The following NFIA variants were observed in gnomAD, a reference collection of about 807,000 sequenced individuals.
NFIA encodes nuclear factor I A.
NFIA carries 8 observed loss-of-function variants against 62.8 expected under a neutral mutation model. That is an observed-to-expected ratio of 0.13 (90% CI 0.07 to 0.23). The LOEUF is 0.23. Ranked by LOEUF, NFIA falls within the 10% of genes least tolerant of loss-of-function variation. The pLI, the probability that NFIA is intolerant of heterozygous loss-of-function variation, is 1.00. For missense variants in NFIA, 410 were observed against 642.1 expected (o/e 0.64, Z 3.91); for synonymous variants, 235 against 238.1 (o/e 0.99, Z 0.12).
At chr1:61,449,970 A>G (rs994372941) in intron 10 of NFIA, among the ~76,000 whole-genome samples, 6 of 152,198 alleles carry the variant, frequency 3.9e-5, no homozygotes, top group Admixed American at 2.0e-4. Context: ...GCTTGCTTGA[A>G]GTCACACTGC....
At chr1:61,387,468 CTTTTTTTTTT>C (rs33965994) in intron 7 of NFIA, among the ~76,000 whole-genome samples, 20 of 95,484 alleles carry the variant, frequency 2.1e-4, no homozygotes, top group African/African-American at 7.0e-4. Context: ...CAAGCACTTT[CTTTTTTTTTT>C]TTTTTTTTTT....
intron 3 of NFIA, among the ~76,000 whole-genome samples, chr1:61,285,671 G>T (rs893356207): frequency 6.6e-6 from 1 of 152,146 alleles, no homozygotes; most frequent in Non-Finnish European, 1.5e-5. Context: ...AATAGGGGTG[G>T]AGGGTAGGGG....
intron 3 of NFIA, among the ~76,000 whole-genome samples, chr1:61,319,531 T>C (rs1660552501): frequency 6.6e-6 from 1 of 152,108 alleles, no homozygotes; most frequent in African/African-American, 2.4e-5. Context: ...TGTGTCTGTG[T>C]GTGTCTGTCT....
chr1:61,130,591 G>GA (rs1211200711), intron 2 of NFIA, among the ~76,000 whole-genome samples: 5 of 152,146 alleles, frequency 3.3e-5, no homozygotes, highest in Non-Finnish European at 7.3e-5. Flanking sequence ...AATCATTGTA[G>GA]AAGTGGGTCT....
At chr1:61,435,154 G>C (rs899616010) in intron 10 of NFIA, among the ~76,000 whole-genome samples, 1 of 152,194 alleles carries the variant, frequency 6.6e-6, no homozygotes, top group Admixed American at 6.5e-5. Context: ...GTACTCACCA[G>C]GTTTCTCTGG....
At chr1:61,137,011 TAA>T (rs1254367090) in intron 2 of NFIA, among the ~76,000 whole-genome samples, 2 of 152,164 alleles carry the variant, frequency 1.3e-5, no homozygotes, top group Admixed American at 1.3e-4. Flanking sequence ...TCCACTGAGT[TAA>T]GAGTGGTTTC....
intron 2 of NFIA, among the ~76,000 whole-genome samples, chr1:61,118,447 T>A (rs1557578051): frequency 6.6e-6 from 1 of 152,124 alleles, no homozygotes; most frequent in Non-Finnish European, 1.5e-5. Flanking sequence ...ACAGCCCTGG[T>A]CTCATGGAGT....
At chr1:61,114,749 T>C (rs1252151823) in intron 2 of NFIA, among the ~76,000 whole-genome samples, 2 of 152,130 alleles carry the variant, frequency 1.3e-5, no homozygotes, top group African/African-American at 2.4e-5. Context: ...CATGGTGACT[T>C]TTTTCACTCT....
chr1:61,286,452 G>T (rs1658508306), intron 3 of NFIA, among the ~76,000 whole-genome samples: 1 of 147,696 alleles, frequency 6.8e-6, no homozygotes, highest in African/African-American at 2.5e-5. Context: ...AAATAGAATT[G>T]CTGGATATAT....
intron 4 of NFIA, among the ~76,000 whole-genome samples, chr1:61,341,123 G>A (rs945419402): frequency 2.0e-5 from 3 of 147,474 alleles, no homozygotes; most frequent in Admixed American, 6.8e-5. Flanking sequence ...GAGTGCAGTG[G>A]CGTGATCTCG....
chr1:61,429,921 G>A (rs1166488792), intron 10 of NFIA, among the ~76,000 whole-genome samples: 4 of 152,180 alleles, frequency 2.6e-5, no homozygotes, highest in African/African-American at 9.7e-5. Flanking sequence ...TAGGGGCAGG[G>A]CAGAATGGTG....
chr1:61,372,907 T>C (rs946415419), intron 6 of NFIA, among the ~76,000 whole-genome samples: 12 of 152,200 alleles, frequency 7.9e-5, no homozygotes, highest in African/African-American at 2.9e-4. Context: ...GCTAGAAGTT[T>C]TCTGCATTAA....
At chr1:61,331,695 TG>T (rs1413292708) in intron 3 of NFIA, among the ~76,000 whole-genome samples, 4 of 152,044 alleles carry the variant, frequency 2.6e-5, no homozygotes, top group Non-Finnish European at 5.9e-5. Context: ...AGAGGTAGAG[TG>T]GGAAACTACA....
chr1:61,319,984 T>C (rs186210317), intron 3 of NFIA, among the ~76,000 whole-genome samples: 61 of 152,248 alleles, frequency 4.0e-4, no homozygotes, highest in African/African-American at 1.3e-3. Context: ...GCTGTTGTCA[T>C]TGAAATCTCA....
chr1:61,144,665 TA>T (rs1193572283), intron 2 of NFIA, among the ~76,000 whole-genome samples: 1 of 152,220 alleles, frequency 6.6e-6, no homozygotes, highest in East Asian at 1.9e-4. Flanking sequence ...AATAGGACCA[TA>T]CCTCCATTTG....
At chr1:61,214,576 A>G (rs1231464010) in intron 2 of NFIA, among the ~76,000 whole-genome samples, 2 of 152,178 alleles carry the variant, frequency 1.3e-5, no homozygotes, top group Non-Finnish European at 2.9e-5. Flanking sequence ...ACCACTTTCC[A>G]TTTTATAGAT....
At chr1:61,245,099 G>A (rs1655561097) in intron 2 of NFIA, among the ~76,000 whole-genome samples, 1 of 152,116 alleles carries the variant, frequency 6.6e-6, no homozygotes, top group Non-Finnish European at 1.5e-5. Flanking sequence ...CAAAATATAA[G>A]CAGAAATGGC....
chr1:61,142,561 A>G (rs139554643), intron 2 of NFIA, among the ~76,000 whole-genome samples: 2 of 152,208 alleles, frequency 1.3e-5, no homozygotes, highest in African/African-American at 4.8e-5. Context: ...CAAGAGTCCA[A>G]ATGGGTACCT....
In NFIA at chr1:61,155,679, C is replaced by CAA. The variant is rs35851988; in HGVS notation, c.559+67016_559+67017dup. Reference sequence around the variant, plus strand: ...TGGGCGACAGAGCGAGACTCCATCTCAAAAAAAAAAAAAAAAAATCTAGAG... The same window carrying CAA: ...TGGGCGACAGAGCGAGACTCCATCTCAAAAAAAAAAAAAAAAAAAATCTAGAG... On this transcript the variant is annotated intron_variant, in intron 2 of 10. Transcript: ENST00000403491. Among the ~76,000 whole-genome samples, 26 of 108,638 alleles carry CAA rather than the reference C, an allele frequency of 2.4e-4. 7 individuals are homozygous for CAA. Among genetic ancestry groups the CAA allele is most frequent in the East Asian group, 8.4e-4 (3 of 3,558 alleles). 71.3% of individuals were successfully genotyped at this position (108,638 alleles called of 152,430 possible). A position where few individuals can be genotyped will look rare whatever the true frequency, so the allele number is the denominator to read the frequency against.
Sources: allele counts gnomAD v4.1 joint callset (sites outside exome capture counted in the v4.1 genomes callset), GRCh38; gene constraint gnomAD v4.1.1; transcripts MANE v1.5; gene names NCBI Gene and HGNC (gene_info 2026-07-23, HGNC 2026-07-21).